Variants in ATG5 observed in about 807,000 individuals in gnomAD.
ATG5 encodes autophagy related 5, also known as autophagy protein 5.
ATG5 carries 14 observed loss-of-function variants against 36.5 expected under a neutral mutation model. That is an observed-to-expected ratio of 0.38 (90% CI 0.25 to 0.60). The LOEUF is 0.60. Among genes scored for constraint, ATG5 ranks in the 20% least tolerant of loss-of-function variants. The pLI is 0.60. For synonymous variants in ATG5, 95 were observed against 101.5 expected, an observed-to-expected ratio of 0.94 and a Z score of 0.38; for missense variants, 195 against 326.7, an observed-to-expected ratio of 0.60 and a Z score of 3.11.
chr6:106,223,960 T>C (rs1349596977), intron 6 of ATG5, among the ~76,000 whole-genome samples: 1 of 152,208 alleles, frequency 6.6e-6, no homozygotes, highest in Non-Finnish European at 1.5e-5. Context: ...GGCTCTAATA[T>C]TCCACAGTTA....
At chr6:106,217,463 C>T (rs1041538626) in intron 6 of ATG5, 11 of 152,224 alleles carry the variant, frequency 7.2e-5, no homozygotes. Flanking sequence ...TTGCTACCCA[C>T]ATTGTGGACT....
intron 6 of ATG5, among the ~76,000 whole-genome samples, chr6:106,216,814 C>T (rs868603736): frequency 2.6e-5 from 4 of 152,086 alleles, no homozygotes; most frequent in African/African-American, 9.7e-5. Flanking sequence ...GAGTTCCAGG[C>T]TGTACTGCAC....
intron 3 of ATG5, among the ~76,000 whole-genome samples, chr6:106,306,409 C>T (rs1770448594): frequency 1.3e-5 from 2 of 152,190 alleles, no homozygotes; most frequent in African/African-American, 4.8e-5. Flanking sequence ...CAGAGTTCCT[C>T]AACTGGGGGC....
chr6:106,205,938 A>G (rs1776612407), intron 6 of ATG5, among the ~76,000 whole-genome samples: 1 of 152,338 alleles, frequency 6.6e-6, no homozygotes, highest in South Asian at 2.1e-4. Flanking sequence ...TTTCTGTTTA[A>G]TATTTATTAT....
chr6:106,208,467 C>T (rs1264707752), intron 6 of ATG5, among the ~76,000 whole-genome samples: 1 of 152,046 alleles, frequency 6.6e-6, no homozygotes, highest in African/African-American at 2.4e-5. Context: ...CTTTTAATTT[C>T]ATTCATTTAC....
chr6:106,292,869 T>C (rs1007028784), intron 4 of ATG5, among the ~76,000 whole-genome samples, 159 bp downstream of exon 4: 1 of 152,118 alleles, frequency 6.6e-6, no homozygotes, highest in African/African-American at 2.4e-5. Flanking sequence ...TAGGAAAAAA[T>C]TGAAAAGTAT....
At chr6:106,249,005 T>A (rs956395244) in intron 5 of ATG5, among the ~76,000 whole-genome samples, 2 of 152,196 alleles carry the variant, frequency 1.3e-5, no homozygotes, top group Non-Finnish European at 2.9e-5. Context: ...AAGATTTTTT[T>A]AAAAAAGCTT....
rs903188161 is a variant in ATG5 at position 106,283,763 on chromosome 6, G to A, written c.316-3940C>T. 3 of 152,302 alleles carry A rather than the reference G, an allele frequency of 2.0e-5. No individual in the cohort carries two copies. The East Asian group carries it at 5.8e-4, about 29-fold the overall frequency. 9.4% of individuals were successfully genotyped at this position (152,302 alleles called of 1,614,324 possible). A position where few individuals can be genotyped will look rare whatever the true frequency, so the allele number is the denominator to read the frequency against. Reference sequence around the variant, plus strand: ...ACCAATGAAACGATCTGTGCAGGGTGTTTTACTCTCTGAGGCTTTTAAAAT... The same window carrying A: ...ACCAATGAAACGATCTGTGCAGGGTATTTTACTCTCTGAGGCTTTTAAAAT... On this transcript the variant is annotated intron_variant, in intron 4 of 7. Transcript: ENST00000369076.
intron 3 of ATG5, among the ~76,000 whole-genome samples, chr6:106,297,240 A>G (rs537228068): frequency 6.6e-6 from 1 of 152,316 alleles, no homozygotes; most frequent in African/African-American, 2.4e-5. Flanking sequence ...ACATGTGACA[A>G]TATTATTTCA....
At chr6:106,235,261 T>C (rs1185891127) in intron 6 of ATG5, among the ~76,000 whole-genome samples, 1 of 152,116 alleles carries the variant, frequency 6.6e-6, no homozygotes, top group Non-Finnish European at 1.5e-5. Context: ...TACAAATCGT[T>C]CTTCAAATGG....
chr6:106,196,026 T>C (rs1312625470), intron 7 of ATG5, among the ~76,000 whole-genome samples: 2 of 152,172 alleles, frequency 1.3e-5, no homozygotes, highest in Non-Finnish European at 1.5e-5. Context: ...TCTGAGAGTG[T>C]CAGTTCAAAG....
At chr6:106,216,589 A>G (rs974669053) in intron 6 of ATG5, among the ~76,000 whole-genome samples, 1 of 152,212 alleles carries the variant, frequency 6.6e-6, no homozygotes, top group Non-Finnish European at 1.5e-5. Flanking sequence ...GGGGAATGAT[A>G]TAAGTGACTG....
chr6:106,262,996 C>T (rs1441742832), intron 5 of ATG5, among the ~76,000 whole-genome samples: 1 of 152,170 alleles, frequency 6.6e-6, no homozygotes, highest in African/African-American at 2.4e-5. Flanking sequence ...AGAGACAGAA[C>T]CATTCATTCC....
intron 5 of ATG5, among the ~76,000 whole-genome samples, chr6:106,258,951 T>C (rs1582621503): frequency 6.6e-6 from 1 of 152,222 alleles, no homozygotes; most frequent in East Asian, 1.9e-4. Flanking sequence ...TTTCAACATG[T>C]TCATTAAGCC....
At chr6:106,285,388 TCTTG>T (rs1780038554) in intron 4 of ATG5, among the ~76,000 whole-genome samples, 1 of 152,240 alleles carries the variant, frequency 6.6e-6, no homozygotes, top group Non-Finnish European at 1.5e-5. Flanking sequence ...GACCATATTT[TCTTG>T]CTTATTTGCA....
At chr6:106,200,310 T>C (rs1776368904) in intron 7 of ATG5, among the ~76,000 whole-genome samples, 1 of 152,214 alleles carries the variant, frequency 6.6e-6, no homozygotes, top group African/African-American at 2.4e-5. Flanking sequence ...GTGTGGTATA[T>C]GTCATGCAAG....
intron 5 of ATG5, chr6:106,271,767 A>G (rs1023357529): frequency 1.3e-5 from 2 of 151,530 alleles, no homozygotes; most frequent in Admixed American, 1.3e-4. Context: ...GACAAGTGCC[A>G]TTTTTGCTAC....
intron 3 of ATG5, among the ~76,000 whole-genome samples, chr6:106,306,138 CCA>C (rs1770436538): frequency 6.6e-6 from 1 of 152,146 alleles, no homozygotes; most frequent in South Asian, 2.1e-4. Flanking sequence ...GAAAAGAACT[CCA>C]CTCTTTAATA....
rs913284324 is a variant in ATG5 at position 106,233,266 on chromosome 6, A to G, written c.573+14884T>C. On this transcript the variant is annotated intron_variant, in intron 6 of 7. Coordinates refer to ENST00000369076, the MANE Select transcript of ATG5 (RefSeq NM_004849.4). Reference sequence around the variant, plus strand: ...CTCATCCCAAAACCCTAAAGCAACTAAGAGGATTCCTTGACATAACAGGTT... The same window carrying G: ...CTCATCCCAAAACCCTAAAGCAACTGAGAGGATTCCTTGACATAACAGGTT... 3.3e-5 allele frequency among the ~76,000 whole-genome samples: 5 copies of G among 152,234 alleles called. 1 individual carries two copies. The highest frequency in any genetic ancestry group is 5.9e-5 in the Non-Finnish European group (4 of 68,034).
Sources: gnomAD v4.1 joint callset for allele counts (sites outside exome capture counted in the v4.1 genomes callset) on GRCh38, gnomAD v4.1.1 for gene constraint, MANE v1.5 for transcripts, NCBI Gene and HGNC (gene_info 2026-07-23, HGNC 2026-07-21) for gene names.